RNF216: variants seen among roughly 807,000 people sequenced by gnomAD.
The protein encoded by RNF216 is ring finger protein 216.
RNF216 carries 72 observed loss-of-function variants against 110.8 expected under a neutral mutation model. The observed-to-expected ratio is 0.65, with a 90% CI of 0.54 to 0.79. The LOEUF (loss-of-function observed/expected upper bound fraction) is 0.79, where lower values mean the gene tolerates loss of function less well. Among genes scored for constraint, RNF216 ranks in the 30% least tolerant of loss-of-function variants. The probability of loss-of-function intolerance (pLI) is 0.00; values close to 1 mark genes in which losing one functional copy is unlikely to be tolerated. For missense variants in RNF216, 1,342 were observed against 1,141.2 expected (o/e 1.18, Z -2.54); for synonymous variants, 495 against 407.5 (o/e 1.21, Z -2.59).
intron 8 of RNF216, among the ~76,000 whole-genome samples, chr7:5,721,935 T>C (rs182073930): frequency 5.6e-4 from 85 of 152,362 alleles, no homozygotes; most frequent in Non-Finnish European, 1.1e-3. Context: ...TATGATTTTC[T>C]TTTTGGAGAC....
At chr7:5,645,790 A>G (rs11980378) in intron 14 of RNF216, among the ~76,000 whole-genome samples, 11,849 of 152,052 alleles carry the variant, frequency 0.078, 1,520 homozygotes, top group African/African-American at 0.27. Context: ...AGGTTTCACC[A>G]TGTTGGCCAG....
chr7:5,635,694 C>T (rs564675813), intron 15 of RNF216, among the ~76,000 whole-genome samples: 8 of 152,312 alleles, frequency 5.3e-5, no homozygotes, highest in Admixed American at 1.3e-4. Context: ...ACAAATGACC[C>T]GGGTGGAAAC....
chr7:5,725,841 CAAAAAA>C (rs756914396), intron 7 of RNF216, among the ~76,000 whole-genome samples: 1 of 77,120 alleles, frequency 1.3e-5, no homozygotes. Context: ...CCAGCCTGGG[CAAAAAA>C]AAAAAAAAAA....
chr7:5,678,757 C>T (rs1790465760), intron 13 of RNF216, among the ~76,000 whole-genome samples: 1 of 152,258 alleles, frequency 6.6e-6, no homozygotes, highest in Non-Finnish European at 1.5e-5. Context: ...GTGGGACAAG[C>T]TGCAGAGGCT....
At chr7:5,636,605 T>C (rs943493715) in intron 15 of RNF216, among the ~76,000 whole-genome samples, 9 of 152,142 alleles carry the variant, frequency 5.9e-5, no homozygotes, top group African/African-American at 1.4e-4. Context: ...CTGAATGGCT[T>C]TGTGTTCTCA....
chr7:5,638,564 C>A (rs1008380412), intron 15 of RNF216, among the ~76,000 whole-genome samples: 7 of 151,966 alleles, frequency 4.6e-5, no homozygotes, highest in African/African-American at 1.7e-4. Flanking sequence ...TTTTCATTTC[C>A]ATTTATTTGA....
intron 1 of RNF216, among the ~76,000 whole-genome samples, chr7:5,763,791 T>C (rs187041605): frequency 6.6e-6 from 1 of 152,168 alleles, no homozygotes; most frequent in Admixed American, 6.6e-5. Flanking sequence ...CAGGCTGGTT[T>C]GGATATCCCG....
intron 13 of RNF216, among the ~76,000 whole-genome samples, chr7:5,672,757 C>G (rs900322308): frequency 6.6e-6 from 1 of 152,064 alleles, no homozygotes; most frequent in African/African-American, 2.4e-5. Context: ...TCCTGGTGAG[C>G]AGCGCAAGGT....
At chr7:5,744,209 A>G (rs962749370) in intron 3 of RNF216, among the ~76,000 whole-genome samples, 5 of 152,340 alleles carry the variant, frequency 3.3e-5, no homozygotes, top group East Asian at 1.9e-4. Flanking sequence ...GGAAAAATAC[A>G]ATAACTAATA....
In RNF216 at chr7:5,741,681, T is replaced by C. The variant is rs1242169380; in HGVS notation, c.336A>G (p.Ser112=). ...AFESDKSSYF[S]VCNNPLFDSG... ...AATCAAACAATGGGTTGTTACACAC[T>C]GAAAAATAGCTGCTCTTATCTGATT... is the stretch of plus-strand genomic sequence containing the variant. Residue 112 remains serine (S), a synonymous_variant, in exon 4 of 17, where the codon TCA becomes TCG. Coordinates refer to ENST00000389902, the MANE Select transcript of RNF216 (RefSeq NM_207111.4). The C allele has an allele frequency of 6.2e-7, 1 of 1,614,214 alleles. No homozygotes were observed. The highest frequency in any genetic ancestry group is 1.3e-5 in the African/African-American group (1 of 75,060).
At chr7:5,648,046 C>A (rs1378170253) in intron 14 of RNF216, among the ~76,000 whole-genome samples, 2 of 152,042 alleles carry the variant, frequency 1.3e-5, no homozygotes, top group African/African-American at 4.8e-5. Flanking sequence ...ATGCACAGAG[C>A]CACCTGTGAA....
intron 13 of RNF216, among the ~76,000 whole-genome samples, chr7:5,672,704 G>A (rs1449556746): frequency 6.6e-6 from 1 of 151,314 alleles, no homozygotes; most frequent in Non-Finnish European, 1.5e-5. Context: ...TATGGAGCAT[G>A]AGTCTGGAAC....
At position 5,629,599 on chromosome 7, in the gene RNF216, C is replaced by T. The variant is rs146610184; in HGVS notation, c.2383-5474G>A. Among the ~76,000 whole-genome samples the T allele has an allele frequency of 2.4e-3, 368 of 151,770 alleles. 1 individual carries two copies. The highest frequency in any genetic ancestry group is 8.5e-3 in the African/African-American group (353 of 41,340). ...ATCCCAGCACTTTGGGAGGCCGAGG[C>T]GGGCGGATCACGACGTCAGGAGTTT... On this transcript the variant is annotated intron_variant, in intron 15 of 16. Coordinates refer to ENST00000389902, the MANE Select transcript of RNF216 (RefSeq NM_207111.4).
At chr7:5,665,083 C>T (rs1266392962) in intron 13 of RNF216, among the ~76,000 whole-genome samples, 1 of 152,214 alleles carries the variant, frequency 6.6e-6, no homozygotes, top group Non-Finnish European at 1.5e-5. Context: ...CAGGCACGAA[C>T]CACCGCACCC....
chr7:5,666,485 G>A (rs558891835), intron 13 of RNF216: 49 of 152,556 alleles, frequency 3.2e-4, no homozygotes, highest in African/African-American at 1.2e-3. Flanking sequence ...AGGGTGGGCA[G>A]AGCTGTAAGG....
intron 13 of RNF216, among the ~76,000 whole-genome samples, chr7:5,693,892 C>A (rs1200811834): frequency 6.6e-6 from 1 of 152,132 alleles, no homozygotes; most frequent in Non-Finnish European, 1.5e-5. Context: ...CTTAAGAAAT[C>A]AGCCTTAAAA....
At chr7:5,697,988 C>G (rs139940414) in intron 13 of RNF216, among the ~76,000 whole-genome samples, 1 of 152,294 alleles carries the variant, frequency 6.6e-6, no homozygotes, top group East Asian at 1.9e-4. Flanking sequence ...GGGCTAGAAT[C>G]TGGATCAGCT....
At chr7:5,729,380 G>A in intron 7 of RNF216, 52 bp downstream of exon 7, 2 of 1,560,144 alleles carry the variant, frequency 1.3e-6, no homozygotes, top group African/African-American at 1.4e-5. Flanking sequence ...CTGTTACCAT[G>A]GGAAGATGTA....
rs1403223945 is a variant in RNF216 at position 5,620,706 on chromosome 7, T to G, written c.*2154A>C. On this transcript the variant is annotated 3_prime_UTR_variant, in exon 17 of 17. Coordinates refer to ENST00000389902, the MANE Select transcript of RNF216 (RefSeq NM_207111.4). ...GGTTTGGCCTTAGGAGAAACATCAC[T>G]CTGGGCTCCCCCTCCCCTGCCAGGG... 6.6e-6 allele frequency: 1 copy of G among 152,358 alleles called. No individual in the cohort carries two copies. The highest frequency in any genetic ancestry group is 1.9e-4 in the East Asian group (1 of 5,190). The allele number at this position is 152,358 out of a possible 1,614,324, so 9.4% of individuals were successfully genotyped here.
Sources: gnomAD v4.1 joint callset for allele counts (sites outside exome capture counted in the v4.1 genomes callset) on GRCh38, gnomAD v4.1.1 for gene constraint, MANE v1.5 for transcripts, NCBI Gene and HGNC (gene_info 2026-07-23, HGNC 2026-07-21) for gene names.